Variants in PID1 observed in about 807,000 individuals in gnomAD.
PID1 encodes PTB-containing, cubilin and LRP1-interacting protein.
PID1 carries 10 observed loss-of-function variants against 19.1 expected under a neutral mutation model. The observed-to-expected ratio is 0.52, with a 90% CI of 0.32 to 0.89. The LOEUF is 0.89. Among genes scored for constraint, PID1 ranks in the 40% least tolerant of loss-of-function variants. The pLI, the probability that PID1 is intolerant of heterozygous loss-of-function variation, is 0.03. For synonymous variants in PID1, 130 were observed against 116.0 expected, an observed-to-expected ratio of 1.12 and a Z score of -0.78; for missense variants, 248 against 285.3, an observed-to-expected ratio of 0.87 and a Z score of 0.94.
rs185139109 is a variant in PID1, at chr2:229,152,295, G to C, written c.177+3523C>G. ...TCAAAATTTCTGGGAAGAAGGTCCAGGAGTCTGCTTGCCAGGGGATTCTGA... is the reference window on the plus strand; with the variant it reads ...TCAAAATTTCTGGGAAGAAGGTCCACGAGTCTGCTTGCCAGGGGATTCTGA... On this transcript the variant is annotated intron_variant, in intron 2 of 2. Coordinates refer to ENST00000392055, the MANE Select transcript of PID1 (RefSeq NM_001100818.2). Among the ~76,000 whole-genome samples, 26 of 152,282 alleles carry C rather than the reference G, an allele frequency of 1.7e-4. 1 individual carries two copies. The East Asian group carries it at 4.6e-3, about 27-fold the overall frequency.
chr2:229,199,686 T>C (rs1265887476), intron 1 of PID1, among the ~76,000 whole-genome samples: 2 of 149,710 alleles, frequency 1.3e-5, no homozygotes, highest in Non-Finnish European at 3.0e-5. Context: ...CCATGGAATA[T>C]ATATGTCTTC....
intron 1 of PID1, among the ~76,000 whole-genome samples, chr2:229,217,498 G>A (rs1323602377): frequency 1.3e-5 from 2 of 152,176 alleles, no homozygotes; most frequent in African/African-American, 4.8e-5. Flanking sequence ...GAGATGGAGG[G>A]TGAGAGAGGA....
At chr2:229,027,727 T>C (rs941487348) in intron 2 of PID1, among the ~76,000 whole-genome samples, 2 of 152,106 alleles carry the variant, frequency 1.3e-5, no homozygotes, top group African/African-American at 4.8e-5. Context: ...GTAGAGAAAG[T>C]CTCAATCAGC....
chr2:229,246,928 T>C (rs1690019221), intron 1 of PID1, among the ~76,000 whole-genome samples: 1 of 151,990 alleles, frequency 6.6e-6, no homozygotes, highest in South Asian at 2.1e-4. Context: ...AAAAGTAAGG[T>C]AGCCTCAGCA....
intron 1 of PID1, 60 bp downstream of exon 1, chr2:229,270,954 G>T (rs1690720387): frequency 1.4e-6 from 2 of 1,459,202 alleles, no homozygotes; most frequent in Non-Finnish European, 9.2e-7. Context: ...CAAAAACTAG[G>T]TTCCTCTGCC....
At chr2:229,249,601 C>A (rs2106282719) in intron 1 of PID1, among the ~76,000 whole-genome samples, 1 of 152,236 alleles carries the variant, frequency 6.6e-6, no homozygotes, top group South Asian at 2.1e-4. Context: ...GAAGTCCACA[C>A]ATAATTCCAA....
At chr2:229,031,375 T>C (rs542088730) in intron 2 of PID1, among the ~76,000 whole-genome samples, 1 of 151,774 alleles carries the variant, frequency 6.6e-6, no homozygotes, top group Admixed American at 6.6e-5. Context: ...CTGGCCAACA[T>C]GGTGAAACCC....
chr2:229,232,709 C>A (rs1325262645), intron 1 of PID1, among the ~76,000 whole-genome samples: 1 of 149,278 alleles, frequency 6.7e-6, no homozygotes, highest in South Asian at 2.1e-4. Flanking sequence ...TATATATACA[C>A]ACATTCCAAT....
chr2:229,160,388 G>A (rs1277636530), intron 1 of PID1, among the ~76,000 whole-genome samples: 1 of 151,820 alleles, frequency 6.6e-6, no homozygotes, highest in African/African-American at 2.4e-5. Context: ...CTAAATTGGA[G>A]ACAGGAAGAT....
chr2:229,102,737 C>T (rs1434516939), intron 2 of PID1, among the ~76,000 whole-genome samples: 4 of 152,194 alleles, frequency 2.6e-5, no homozygotes, highest in African/African-American at 9.7e-5. Flanking sequence ...GGGCCTCTAC[C>T]TGACAATTAG....
At chr2:229,233,075 T>G (rs1275192757) in intron 1 of PID1, among the ~76,000 whole-genome samples, 3 of 152,128 alleles carry the variant, frequency 2.0e-5, no homozygotes, top group Admixed American at 2.0e-4. Context: ...AGACTCTTAT[T>G]AGCAGAAAGC....
At chr2:229,244,505 G>A (rs1689951138) in intron 1 of PID1, among the ~76,000 whole-genome samples, 1 of 152,090 alleles carries the variant, frequency 6.6e-6, no homozygotes, top group Non-Finnish European at 1.5e-5. Flanking sequence ...TTTAAAAAGA[G>A]AGAAAGCAAA....
At chr2:229,134,402 GC>G (rs1340284782) in intron 2 of PID1, among the ~76,000 whole-genome samples, 135 of 4,288 alleles carry the variant, frequency 0.031, 1 homozygote, top group African/African-American at 0.063. Context: ...ACCACTCCTG[GC>G]TTTTTTTTTT....
intron 1 of PID1, among the ~76,000 whole-genome samples, chr2:229,163,178 C>A (rs1253738389): frequency 6.6e-6 from 1 of 152,008 alleles, no homozygotes; most frequent in Non-Finnish European, 1.5e-5. Flanking sequence ...CAAAATAGGT[C>A]AAATAATCTC....
At chr2:229,092,893 T>A (rs921257505) in intron 2 of PID1, among the ~76,000 whole-genome samples, 2 of 152,206 alleles carry the variant, frequency 1.3e-5, no homozygotes, top group Non-Finnish European at 2.9e-5. Flanking sequence ...CTACAAATCA[T>A]GTTTAAAGTT....
chr2:229,186,777 A>T (rs926375891), intron 1 of PID1, among the ~76,000 whole-genome samples: 3 of 152,172 alleles, frequency 2.0e-5, no homozygotes, highest in Non-Finnish European at 2.9e-5. Context: ...ACTTATGCAA[A>T]TTTCTGCAGC....
At chr2:229,029,144 G>A (rs1298782454) in intron 2 of PID1, among the ~76,000 whole-genome samples, 2 of 151,656 alleles carry the variant, frequency 1.3e-5, no homozygotes, top group Non-Finnish European at 2.9e-5. Context: ...CTGGGCAACG[G>A]GACCATTAAC....
At chr2:229,187,725 A>G (rs1333703620) in intron 1 of PID1, among the ~76,000 whole-genome samples, 2 of 152,080 alleles carry the variant, frequency 1.3e-5, no homozygotes, top group Non-Finnish European at 2.9e-5. Context: ...ACAAGCTATA[A>G]TTTCCCCTGG....
At chr2:229,153,675 C>A (rs1442943901) in intron 2 of PID1, among the ~76,000 whole-genome samples, 1 of 152,038 alleles carries the variant, frequency 6.6e-6, no homozygotes, top group African/African-American at 2.4e-5. Flanking sequence ...AGACATGAAC[C>A]CTATAATCCT....
Sources: gnomAD v4.1 joint callset for allele counts (sites outside exome capture counted in the v4.1 genomes callset) on GRCh38, gnomAD v4.1.1 for gene constraint, MANE v1.5 for transcripts, NCBI Gene and HGNC (gene_info 2026-07-23, HGNC 2026-07-21) for gene names.